DLK2: variants seen among roughly 807,000 people sequenced by gnomAD.
DLK2 encodes delta like non-canonical Notch ligand 2.
A neutral mutation model predicts 31.3 loss-of-function variants in DLK2; 9 were observed. The ratio of observed to expected loss-of-function variants is 0.29; its 90% CI spans 0.17 to 0.50. The LOEUF is 0.50. Among genes scored for constraint, DLK2 ranks in the 20% least tolerant of loss-of-function variants. The pLI is 0.98. For missense variants in DLK2, 387 were observed against 526.1 expected (o/e 0.74, Z 2.59); for synonymous variants, 169 against 201.2 (o/e 0.84, Z 1.35).
Position 43,453,271 on chromosome 6 carries a change from T to C in DLK2, c.141-136A>G. The C allele has an allele frequency of 1.7e-6, 2 of 1,189,944 alleles. No homozygotes were observed. The highest frequency in any genetic ancestry group is 2.3e-6 in the Non-Finnish European group (2 of 881,620). 73.7% of individuals were successfully genotyped at this position (1,189,944 alleles called of 1,614,324 possible). On this transcript the variant is annotated intron_variant, in intron 3 of 5. Transcript: ENST00000372488. The surrounding 1 kb of genome is among the most constrained non-coding windows in gnomAD (Gnocchi z 4.1). ...AAAGCAGACCTGTCCCAGGTAGGTG[T>C]AGGACTGTGCAGGGTCATAGGACAC... is the stretch of plus-strand genomic sequence containing the variant.
chr6:43,455,573 C>A (rs927897895), upstream of DLK2: 3 of 150,390 alleles, frequency 2.0e-5, no homozygotes, highest in Admixed American at 2.0e-4. Flanking sequence ...CCCCGAGCGG[C>A]GGCAGCGGCT....
At position 43,451,712 on chromosome 6, in the gene DLK2, T is replaced by C. The variant is rs1783752199; in HGVS notation, c.416+228A>G. ...CCAACCAGAACAGTCACACGTTTGTTACCCCTCTAGCTCCTATAGATTGTT... is the reference window on the plus strand; with the variant it reads ...CCAACCAGAACAGTCACACGTTTGTCACCCCTCTAGCTCCTATAGATTGTT... On this transcript the variant is annotated intron_variant, in intron 5 of 5. Transcript: ENST00000372488. This position sits in a 1 kb window ranked among gnomAD's most constrained non-coding sequence, Gnocchi z 4.4. Among the ~76,000 whole-genome samples the C allele has an allele frequency of 6.6e-6, 1 of 152,074 alleles. No homozygotes were observed. Among genetic ancestry groups the C allele is most frequent in the African/African-American group, 2.4e-5 (1 of 41,396 alleles).
At chr6:43,455,046 G>C (rs1431019334) in intron 1 of DLK2, 166 bp from the exon 2 acceptor site, 2 of 985,020 alleles carry the variant, frequency 2.0e-6, no homozygotes, top group East Asian at 2.3e-4. Flanking sequence ...CGAAGAGAGC[G>C]AGGAGAGCGA....
In DLK2 at chr6:43,453,176, A is replaced by C. The variant is rs2127422820; in HGVS notation, c.141-41T>G. The C allele has an allele frequency of 1.3e-6, 2 of 1,557,810 alleles. No individual in the cohort carries two copies. Among genetic ancestry groups the C allele is most frequent in the African/African-American group, 2.7e-5 (2 of 72,944 alleles). On this transcript the variant is annotated intron_variant, in intron 3 of 5. Coordinates refer to ENST00000372488, the MANE Select transcript of DLK2 (RefSeq NM_023932.4). The surrounding 1 kb of genome is among the most constrained non-coding windows in gnomAD (Gnocchi z 4.1). Reference sequence around the variant, plus strand: ...ACAGGGTCAGGGCTCTGGGTCATGGATGTGAAGAAATGGAGGAGACAGAAC... The same window carrying C: ...ACAGGGTCAGGGCTCTGGGTCATGGCTGTGAAGAAATGGAGGAGACAGAAC...
At chr6:43,454,673 C>T (rs1328599397) in intron 2 of DLK2, 77 bp downstream of exon 2, 3 of 1,511,204 alleles carry the variant, frequency 2.0e-6, no homozygotes, top group Middle Eastern at 1.7e-4. Context: ...GCAGTGCCGC[C>T]TCCGGCCGGC....
Position 43,454,873 on chromosome 6 carries a change from G to C in DLK2, c.-48C>G, listed in dbSNP as rs1783912539. On this transcript the variant is annotated 5_prime_UTR_variant, in exon 2 of 6. Coordinates refer to ENST00000372488, the MANE Select transcript of DLK2 (RefSeq NM_023932.4). ...GACGGACGGATGGACGGCCGGACGC[G>C]TGGACACCTGTGGGACGGCACCGGT... is the stretch of plus-strand genomic sequence containing the variant. 1.3e-6 allele frequency: 2 copies of C among 1,533,992 alleles called. No homozygotes were observed. The highest frequency in any genetic ancestry group is 1.7e-6 in the Non-Finnish European group (2 of 1,145,948).
chr6:43,450,369 T>G lies in DLK2; in HGVS notation c.*170A>C. The G allele has an allele frequency of 3.9e-6, 4 of 1,024,604 alleles. No homozygotes were observed. Among genetic ancestry groups the G allele is most frequent in the Non-Finnish European group, 5.4e-6 (4 of 735,726 alleles). 63.5% of individuals were successfully genotyped at this position (1,024,604 alleles called of 1,614,324 possible). On this transcript the variant is annotated 3_prime_UTR_variant, in exon 6 of 6. Coordinates refer to ENST00000372488, the MANE Select transcript of DLK2 (RefSeq NM_023932.4). The surrounding 1 kb of genome is among the most constrained non-coding windows in gnomAD (Gnocchi z 4.5). ...GAGCCCACTTGCATTTTCATAGTTT[T>G]ATTTGATAAAATTCCATCTTACATT...
upstream of DLK2, chr6:43,456,427 G>A (rs1783981744): frequency 6.6e-6 from 1 of 152,260 alleles, no homozygotes; most frequent in Non-Finnish European, 1.5e-5. Context: ...TTCAAGACAA[G>A]GACCCAGCCA....
chr6:43,452,977 A>G (rs1783830526), intron 4 of DLK2, 28 bp downstream of exon 4: 1 of 1,613,534 alleles, frequency 6.2e-7, no homozygotes, highest in South Asian at 1.1e-5. Flanking sequence ...GGGGTTCCCA[A>G]CCAAAAGCTA....
rs1274734351 is a variant in DLK2 at position 43,451,265 on chromosome 6, G to C, written c.426C>G (p.Cys142Trp). 6.2e-7 allele frequency: 1 copy of C among 1,613,780 alleles called. No homozygotes were observed. Among genetic ancestry groups the C allele is most frequent in the Non-Finnish European group, 8.5e-7 (1 of 1,179,866 alleles). ...AGPCEQAGSP[C>W]RNGGQCQDDQ... ...CGTCCTGGCACTGCCCGCCATTGCG[G>C]CATGGGGAGCTGTGGTAGGGGTGAG... Residue 142 changes from cysteine to tryptophan, a missense_variant, in exon 6 of 6, where the codon TGC (cysteine) becomes TGG (tryptophan). Transcript: ENST00000372488. This position sits in a 1 kb window ranked among gnomAD's most constrained non-coding sequence, Gnocchi z 4.4.
In DLK2 at chr6:43,451,158, C is replaced by T; in HGVS notation, c.533G>A (p.Cys178Tyr). Residue 178 changes from cysteine to tyrosine, a missense_variant, in exon 6 of 6, where the codon TGC becomes TAC. Cys to Tyr is a radical substitution (Grantham distance 194, BLOSUM62 -2). Coordinates refer to ENST00000372488, the MANE Select transcript of DLK2 (RefSeq NM_023932.4). The surrounding 1 kb of genome is among the most constrained non-coding windows in gnomAD (Gnocchi z 4.4). ...GARCEVNVDD[C>Y]LMRPCANGAT... ...ACCGTTAGCACAAGGCCGCATCAGGCAGTCATCCACATTTACCTCACAGCG... is the reference window on the plus strand; with the variant it reads ...ACCGTTAGCACAAGGCCGCATCAGGTAGTCATCCACATTTACCTCACAGCG... The T allele has an allele frequency of 1.2e-6, 2 of 1,614,200 alleles. No individual in the cohort carries two copies. The highest frequency in any genetic ancestry group is 1.7e-6 in the Non-Finnish European group (2 of 1,180,032).
At chr6:43,455,206 G>A in intron 1 of DLK2, 189 bp downstream of exon 1, 2 of 551,210 alleles carry the variant, frequency 3.6e-6, no homozygotes, top group Non-Finnish European at 4.6e-6. Context: ...CCTCGAGCAC[G>A]GAGGGGACGC....
At position 43,454,912 on chromosome 6, in the gene DLK2, GACGCGGAGATAGCGGCACGGAT is replaced by G. The variant is rs1247643543; in HGVS notation, c.-55-54_-55-33del. The G allele has an allele frequency of 3.3e-6, 5 of 1,518,810 alleles. No homozygotes were observed. In the African/African-American group the frequency reaches 5.6e-5, roughly 17 times the overall value. 94.1% of individuals were successfully genotyped at this position (1,518,810 alleles called of 1,614,324 possible). ...GACGGCACCGGTTGGGAGGCGGCCG[GACGCGGAGATAGCGGCACGGAT>G]ACGGGTTCCAAGTGACAGGAGCCGA... On this transcript the variant is annotated intron_variant, in intron 1 of 5. Coordinates refer to ENST00000372488, the MANE Select transcript of DLK2 (RefSeq NM_023932.4).
chr6:43,454,994 T>G (rs1294822585), intron 1 of DLK2, 114 bp from the exon 2 acceptor site: 684 of 921,892 alleles, frequency 7.4e-4, no homozygotes, highest in East Asian at 4.0e-3. Context: ...AAGAAGGGGA[T>G]GGGGGTAGCG....
chr6:43,454,636 T>TG, intron 2 of DLK2, 114 bp downstream of exon 2: 1 of 1,415,258 alleles, frequency 7.1e-7, no homozygotes, highest in Admixed American at 2.1e-5. Flanking sequence ...AACCTCGGTC[T>TG]TGCTTGCCCC....
chr6:43,453,086 G>GCATC lies in DLK2; in HGVS notation c.186_189dup (p.Pro64AspfsTer27). 3 of 1,614,000 alleles carry GCATC rather than the reference G, an allele frequency of 1.9e-6. No individual in the cohort carries two copies. Among genetic ancestry groups the GCATC allele is most frequent in the Non-Finnish European group, 2.5e-6 (3 of 1,179,936 alleles). ...TGGCAGGTACCGTGCTGGCAGCCAG[G>GCATC]CATCCTCACACAGCGCTCACAGTGC... On this transcript the variant is annotated frameshift_variant, in exon 4 of 6. Transcript: ENST00000372488. LOFTEE classifies it high-confidence loss of function. The surrounding 1 kb of genome is among the most constrained non-coding windows in gnomAD (Gnocchi z 4.1).
chr6:43,454,516 C>G, intron 2 of DLK2, 42 bp from the exon 3 acceptor site: 1 of 1,556,562 alleles, frequency 6.4e-7, no homozygotes, highest in Non-Finnish European at 8.7e-7. Context: ...TGAGTCAGGG[C>G]ACAGCTCGCT....
chr6:43,452,882 A>C, intron 4 of DLK2, 123 bp downstream of exon 4: 1 of 1,421,746 alleles, frequency 7.0e-7, no homozygotes. Flanking sequence ...GATTTAAAAA[A>C]ATGATAAAAT....
rs575272470 is a variant in DLK2 at position 43,453,647 on chromosome 6, A to C, written c.141-512T>G. ...GTCTCTACAAAAAATACAAAAAATT[A>C]CCCGGGCATGGTGGTGTGCATCTGT... On this transcript the variant is annotated intron_variant, in intron 3 of 5. Transcript: ENST00000372488. The surrounding 1 kb of genome is among the most constrained non-coding windows in gnomAD (Gnocchi z 4.1). 2.0e-5 allele frequency among the ~76,000 whole-genome samples: 3 copies of C among 152,008 alleles called. No homozygotes were observed. Among genetic ancestry groups the C allele is most frequent in the South Asian group, 2.1e-4 (1 of 4,792 alleles).
Sources: gnomAD v4.1 joint callset for allele counts (sites outside exome capture counted in the v4.1 genomes callset) on GRCh38, gnomAD v4.1.1 for gene constraint, Gnocchi (gnomAD v3.1) non-coding constraint, MANE v1.5 for transcripts, NCBI Gene and HGNC (gene_info 2026-07-23, HGNC 2026-07-21) for gene names.